Variants in STARD3NL observed in about 807,000 individuals in gnomAD.
STARD3NL encodes the protein STARD3 N-terminal like.
STARD3NL carries 17 observed loss-of-function variants against 30.9 expected under a neutral mutation model. The ratio of observed to expected loss-of-function variants is 0.55; its 90% CI spans 0.38 to 0.82. STARD3NL has a LOEUF of 0.82. Among genes scored for constraint, STARD3NL ranks in the 40% least tolerant of loss-of-function variants. The pLI, the probability that STARD3NL is intolerant of heterozygous loss-of-function variation, is 0.00. For missense variants in STARD3NL, 234 were observed against 277.6 expected (o/e 0.84, Z 1.12); for synonymous variants, 112 against 100.5 (o/e 1.11, Z -0.69).
At chr7:38,200,687 T>C (rs375163673) in intron 1 of STARD3NL, among the ~76,000 whole-genome samples, 1 of 152,294 alleles carries the variant, frequency 6.6e-6, no homozygotes, top group South Asian at 2.1e-4. Context: ...TACAGTCTGC[T>C]TTGTAGGAGT....
At chr7:38,225,582 AAAAGACAACCTTTCCC>A (rs1786711868) in intron 7 of STARD3NL, among the ~76,000 whole-genome samples, 2 of 48,736 alleles carry the variant, frequency 4.1e-5, no homozygotes, top group Non-Finnish European at 1.1e-4. Context: ...CAAGTTCTTG[AAAAGACAACCTTTCCC>A]CATTGTACTG....
chr7:38,216,150 A>AT (rs1786098806), intron 4 of STARD3NL: 1 of 152,166 alleles, frequency 6.6e-6, no homozygotes, highest in East Asian at 1.9e-4. Flanking sequence ...CCCCATATGT[A>AT]TGCTAGTATT....
In STARD3NL at chr7:38,226,297, G is replaced by T. The variant is rs535331722; in HGVS notation, c.650-2502G>T. 2.0e-5 allele frequency among the ~76,000 whole-genome samples: 3 copies of T among 151,512 alleles called. No homozygotes were observed. In the East Asian group the frequency reaches 5.8e-4, roughly 29 times the overall value. On this transcript the variant is annotated intron_variant, in intron 7 of 8. Coordinates refer to ENST00000009041, the MANE Select transcript of STARD3NL (RefSeq NM_032016.4). ...CTTTATATAGCTGTGCTAAATCTGT[G>T]AAATCTATACACCCTAGGATGTGTG...
At chr7:38,203,016 T>G (rs2116180339) in intron 1 of STARD3NL, among the ~76,000 whole-genome samples, 2 of 125,262 alleles carry the variant, frequency 1.6e-5, no homozygotes, top group South Asian at 5.5e-4. Flanking sequence ...CTATTGTGAA[T>G]AGTGCTGCAA....
At chr7:38,211,003 G>T (rs572220294) in intron 2 of STARD3NL, among the ~76,000 whole-genome samples, 1 of 152,212 alleles carries the variant, frequency 6.6e-6, no homozygotes, top group East Asian at 1.9e-4. Context: ...TCCATGTGAA[G>T]ATCAAATGGA....
At chr7:38,192,058 T>C (rs1198593581) in intron 1 of STARD3NL, among the ~76,000 whole-genome samples, 1 of 152,258 alleles carries the variant, frequency 6.6e-6, no homozygotes, top group Non-Finnish European at 1.5e-5. Flanking sequence ...TCCATTTCTC[T>C]CAGCAGTATT....
intron 1 of STARD3NL, among the ~76,000 whole-genome samples, chr7:38,184,775 A>G (rs986062380): frequency 6.2e-5 from 9 of 144,948 alleles, no homozygotes; most frequent in African/African-American, 2.0e-4. Flanking sequence ...CTCTCAAATA[A>G]TGCAACAAAA....
chr7:38,228,711 G>A, intron 7 of STARD3NL, 88 bp from the exon 8 acceptor site: 2 of 1,108,602 alleles, frequency 1.8e-6, no homozygotes, highest in Non-Finnish European at 1.3e-6. Flanking sequence ...ATGTGTATAT[G>A]TTATAATTTT....
At position 38,214,374 on chromosome 7, in the gene STARD3NL, G is replaced by A; in HGVS notation, c.243G>A (p.Glu81=). Residue 81 remains glutamate, a synonymous_variant, in exon 3 of 9, where the codon GAG becomes GAA. Coordinates refer to ENST00000009041, the MANE Select transcript of STARD3NL (RefSeq NM_032016.4). ...CTTTCTAGGTGAATGGAGGCATTGA[G>A]AACACATTAGAGAAGGAGGTGATGC... ...IIELNVNGGI[E]NTLEKEVMQY... The A allele has an allele frequency of 6.2e-7, 1 of 1,606,808 alleles. No homozygotes were observed. The highest frequency in any genetic ancestry group is 8.5e-7 in the Non-Finnish European group (1 of 1,174,784).
intron 1 of STARD3NL, among the ~76,000 whole-genome samples, chr7:38,186,873 A>G (rs945144467): frequency 6.6e-6 from 1 of 152,180 alleles, no homozygotes; most frequent in Non-Finnish European, 1.5e-5. Flanking sequence ...TTAGAGCCAA[A>G]GCTGAGAAAG....
At position 38,198,617 on chromosome 7, in the gene STARD3NL, ACAGTGTCC is replaced by A. The variant is rs560477630; in HGVS notation, c.-58-8829_-58-8822del. ...CCAACATTCTTTTGGAGGAAAACAT[ACAGTGTCC>A]TGGCTGCTGCCATAAGTAGTGCTGA... On this transcript the variant is annotated intron_variant, in intron 1 of 8. Transcript: ENST00000009041. Among the ~76,000 whole-genome samples the A allele has an allele frequency of 6.6e-5, 10 of 152,330 alleles. No homozygotes were observed. The South Asian group carries it at 2.1e-3, about 32-fold the overall frequency.
intron 1 of STARD3NL, 23 bp downstream of exon 1, chr7:38,178,443 C>T (rs1244248016): frequency 2.0e-5 from 3 of 152,286 alleles, no homozygotes; most frequent in Admixed American, 1.3e-4. Context: ...TCTCGTTCCC[C>T]TATTTGACAG....
intron 1 of STARD3NL, chr7:38,179,282 A>G (rs1784149847): frequency 2.6e-5 from 4 of 152,248 alleles, no homozygotes; most frequent in African/African-American, 4.8e-5. Flanking sequence ...TAGAAGCAGG[A>G]TCTCACAAAA....
chr7:38,196,958 T>A (rs963596377), intron 1 of STARD3NL, among the ~76,000 whole-genome samples: 8 of 152,170 alleles, frequency 5.3e-5, no homozygotes, highest in Non-Finnish European at 8.8e-5. Flanking sequence ...TAATGGGCAG[T>A]TCGCCAAAGA....
Position 38,207,574 on chromosome 7 carries a change from A to C in STARD3NL, c.70A>C (p.Asn24His). The change falls in exon 2 of 9, where the codon AAT (asparagine) becomes CAT (histidine). Residue 24 changes from asparagine to histidine, a missense_variant. By Grantham distance (68) the Asn-to-His change is moderately conservative (BLOSUM62 1). Transcript: ENST00000009041. Reference protein sequence around the residue: ...GSQSSHASLRNIHSINPTQLM... With the variant: ...GSQSSHASLRHIHSINPTQLM... Reference sequence around the variant, plus strand: ...CCAGAGCTCCCATGCTTCTCTGCGCAATATCCATTCCATCAACCCCACACA... The same window carrying C: ...CCAGAGCTCCCATGCTTCTCTGCGCCATATCCATTCCATCAACCCCACACA... 1 of 1,614,080 alleles carries C rather than the reference A, an allele frequency of 6.2e-7. No homozygotes were observed. Among genetic ancestry groups the C allele is most frequent in the East Asian group, 2.2e-5 (1 of 44,880 alleles).
chr7:38,225,828 C>T (rs1786728136), intron 7 of STARD3NL, among the ~76,000 whole-genome samples: 1 of 152,138 alleles, frequency 6.6e-6, no homozygotes, highest in Non-Finnish European at 1.5e-5. Flanking sequence ...CATTTGAATG[C>T]ATTCCTTGGC....
intron 1 of STARD3NL, among the ~76,000 whole-genome samples, chr7:38,203,933 C>T (rs1172049860): frequency 6.6e-6 from 1 of 151,800 alleles, no homozygotes; most frequent in Admixed American, 6.5e-5. Context: ...AGCTAACTAT[C>T]CTAAATATAT....
intron 1 of STARD3NL, among the ~76,000 whole-genome samples, chr7:38,204,829 A>G (rs1379300517): frequency 6.6e-6 from 1 of 152,108 alleles, no homozygotes; most frequent in African/African-American, 2.4e-5. Context: ...ACAGAAATAC[A>G]AACTACCATC....
intron 6 of STARD3NL, among the ~76,000 whole-genome samples, chr7:38,218,600 CAATT>C (rs1786261262): frequency 6.6e-6 from 1 of 152,156 alleles, no homozygotes; most frequent in South Asian, 2.1e-4. Flanking sequence ...GCAGAACACA[CAATT>C]AATGAAAATT....
Sources: gnomAD v4.1 joint callset for allele counts (sites outside exome capture counted in the v4.1 genomes callset) on GRCh38, gnomAD v4.1.1 for gene constraint, MANE v1.5 for transcripts, NCBI Gene and HGNC (gene_info 2026-07-23, HGNC 2026-07-21) for gene names.